Variants in SMAD2 observed in about 807,000 individuals in gnomAD.
The protein encoded by SMAD2 is SMAD family member 2.
Under a neutral mutation model 64.4 loss-of-function variants are expected in SMAD2, and 8 were observed. The observed-to-expected ratio is 0.12, with a 90% CI of 0.07 to 0.22. The LOEUF is 0.22. SMAD2 is among the 10% of genes least tolerant of loss of function. The pLI is 1.00. For missense variants in SMAD2, 289 were observed against 561.2 expected (o/e 0.51, Z 4.90); for synonymous variants, 203 against 195.8 (o/e 1.04, Z -0.31).
At chr18:47,916,419 T>C (rs960219182) in intron 1 of SMAD2, among the ~76,000 whole-genome samples, 1 of 151,934 alleles carries the variant, frequency 6.6e-6, no homozygotes, top group Non-Finnish European at 1.5e-5. Flanking sequence ...TATTTTGTTT[T>C]GTTTTGTTTT....
chr18:47,870,999 A>C (rs751503426), intron 2 of SMAD2, among the ~76,000 whole-genome samples: 42 of 152,342 alleles, frequency 2.8e-4, no homozygotes, highest in Non-Finnish European at 5.0e-4. Flanking sequence ...ACATGCATCC[A>C]CAGTTAAGAT....
At position 47,851,288 on chromosome 18, in the gene SMAD2, A is replaced by C; in HGVS notation, c.770T>G (p.Val257Gly). ...GTGCAACTTACCCAAGCTATGATTA[A>C]CAGGGGAAAGAGTAGTAGGAGATAG... ...AELSPTTLSP[V>G]NHSLDLQPVT... Residue 257 changes from valine to glycine, a missense_variant, in exon 7 of 11, where the codon GTT becomes GGT. This residue lies in a region of SMAD2 where 119 missense variants were observed against 156.7 expected (regional missense o/e 0.76). Transcript: ENST00000262160. 2 of 1,608,728 alleles carry C rather than the reference A, an allele frequency of 1.2e-6. No individual in the cohort carries two copies. The highest frequency in any genetic ancestry group is 1.7e-6 in the Non-Finnish European group (2 of 1,175,442).
chr18:47,864,908 G>A lies in SMAD2; in HGVS notation c.730+151C>T, dbSNP rs893165407. 4.7e-6 allele frequency: 3 copies of A among 642,930 alleles called. No homozygotes were observed. The African/African-American group carries it at 5.5e-5, about 12-fold the overall frequency. The allele number at this position is 642,930 out of a possible 1,614,324, so 39.8% of individuals were successfully genotyped here. On this transcript the variant is annotated intron_variant, in intron 6 of 10. Coordinates refer to ENST00000262160, the MANE Select transcript of SMAD2 (RefSeq NM_005901.6). The stretch of plus-strand genomic sequence containing the variant: ...AGTGACAACATGGACCTCTTTGGTA[G>A]TTCAGATATGTTAAATCAAGATAGA...
chr18:47,865,138 A>C lies in SMAD2; in HGVS notation c.656-5T>G. 1.9e-6 allele frequency: 3 copies of C among 1,579,472 alleles called. No individual in the cohort carries two copies. Among genetic ancestry groups the C allele is most frequent in the Non-Finnish European group, 2.6e-6 (3 of 1,148,878 alleles). ...TATATCCAGGAGGTGGCGTTTCTAC[A>C]AAAGTTTAAAACAAATCAAGCACAG... is the stretch of plus-strand genomic sequence containing the variant. On this transcript the variant is annotated splice_polypyrimidine_tract_variant and splice_region_variant and intron_variant, in intron 5 of 10. Coordinates refer to ENST00000262160, the MANE Select transcript of SMAD2 (RefSeq NM_005901.6).
In SMAD2 at chr18:47,868,513, A is replaced by C. The variant is rs1405712190; in HGVS notation, c.521-56T>G. The C allele has an allele frequency of 2.7e-6, 4 of 1,486,494 alleles. No homozygotes were observed. In the African/African-American group the frequency reaches 5.5e-5, roughly 21 times the overall value. The allele number at this position is 1,486,494 out of a possible 1,614,324, so 92.1% of individuals were successfully genotyped here. Reference sequence around the variant, plus strand: ...GCAAAGAGCAAAGGGGAGTGGGGGAACCTTTTTTAAAGTTTTCAACAAGAA... The same window carrying C: ...GCAAAGAGCAAAGGGGAGTGGGGGACCCTTTTTTAAAGTTTTCAACAAGAA... On this transcript the variant is annotated intron_variant, in intron 4 of 10. Coordinates refer to ENST00000262160, the MANE Select transcript of SMAD2 (RefSeq NM_005901.6).
rs1914767468 is a variant in SMAD2, at chr18:47,848,657, G to A, written c.815C>T (p.Ala272Val). 6.2e-7 allele frequency: 1 copy of A among 1,613,416 alleles called. No homozygotes were observed. ...DLQPVTYSEP[A>V]FWCSIAYYEL... ...ATAATATGCTATCGAACACCAAAAT[G>A]CAGGTTCTGAGTAAGTAACTGGCTG... The change falls in exon 8 of 11, where the codon GCA (alanine) becomes GTA (valine). Residue 272 changes from alanine to valine, a missense_variant. Ala to Val is a moderately conservative substitution (Grantham distance 64). Transcript: ENST00000262160.
intron 1 of SMAD2, chr18:47,912,583 G>C (rs1023988258): frequency 6.6e-6 from 1 of 152,292 alleles, no homozygotes; most frequent in Non-Finnish European, 1.5e-5. Context: ...GAGCTAGGCA[G>C]AGACAACTGG....
intron 1 of SMAD2, among the ~76,000 whole-genome samples, chr18:47,906,753 GTAGTCTTT>G (rs2033920234): frequency 6.6e-6 from 1 of 152,124 alleles, no homozygotes; most frequent in Non-Finnish European, 1.5e-5. Context: ...GTGGTTACCT[GTAGTCTTT>G]AGCTTGTGCT....
intron 1 of SMAD2, among the ~76,000 whole-genome samples, chr18:47,912,795 T>C (rs1312683124): frequency 1.3e-5 from 2 of 149,370 alleles, no homozygotes; most frequent in Non-Finnish European, 2.9e-5. Flanking sequence ...TTTGGTTCAA[T>C]TATTCCATTC....
intron 2 of SMAD2, among the ~76,000 whole-genome samples, chr18:47,872,139 A>T (rs1252652057): frequency 6.6e-6 from 1 of 152,204 alleles, no homozygotes; most frequent in African/African-American, 2.4e-5. Context: ...TCTAGACCCC[A>T]ACCCTAATTC....
At chr18:47,881,493 T>C (rs576078621) in intron 2 of SMAD2, among the ~76,000 whole-genome samples, 2 of 152,226 alleles carry the variant, frequency 1.3e-5, no homozygotes, top group African/African-American at 4.8e-5. Flanking sequence ...GCTATATTTA[T>C]AGATTCTTTA....
At chr18:47,872,852 T>C (rs572678003) in intron 2 of SMAD2, among the ~76,000 whole-genome samples, 2 of 152,208 alleles carry the variant, frequency 1.3e-5, no homozygotes, top group East Asian at 1.9e-4. Flanking sequence ...GCCAAAACGG[T>C]TGGGAACAGC....
Position 47,816,138 on chromosome 18 carries a change from A to C in SMAD2, c.*25689T>G, listed in dbSNP as rs1310279676. The C allele has an allele frequency of 1.3e-5, 2 of 152,176 alleles. No individual in the cohort carries two copies. Among genetic ancestry groups the C allele is most frequent in the Non-Finnish European group, 2.9e-5 (2 of 68,034 alleles). The allele number at this position is 152,176 out of a possible 1,614,324, so 9.4% of individuals were successfully genotyped here. A position where few individuals can be genotyped will look rare whatever the true frequency, so the allele number is the denominator to read the frequency against. On this transcript the variant is annotated 3_prime_UTR_variant, in exon 11 of 11. Coordinates refer to ENST00000262160, the MANE Select transcript of SMAD2 (RefSeq NM_005901.6). ...AAGATCAGCTTCCCTTGAAAATGTT[A>C]GCTCCCATGCCACATTTAGTCAAGA...
rs1912830002 is a variant in SMAD2, at chr18:47,828,092, A to AC, written c.*13734dup. On this transcript the variant is annotated 3_prime_UTR_variant, in exon 11 of 11. Transcript: ENST00000262160. ...TGAGGAGTGTCTCTGCCCGACCGCC[A>AC]CCCCGTCTGGGAGGTGAGGAGCGTC... 6.9e-6 allele frequency: 1 copy of AC among 144,330 alleles called. No homozygotes were observed. Among genetic ancestry groups the AC allele is most frequent in the Admixed American group, 7.3e-5 (1 of 13,704 alleles). 8.9% of individuals were successfully genotyped at this position (144,330 alleles called of 1,614,324 possible).
Position 47,923,038 on chromosome 18 carries a change from G to A in SMAD2, c.-54+7323C>T, listed in dbSNP as rs539461410. ...AAGTCCACATTAAATAGGGACTGCTGTGTAAAGAGACTACTTATTTTTTTT... is the reference window on the plus strand; with the variant it reads ...AAGTCCACATTAAATAGGGACTGCTATGTAAAGAGACTACTTATTTTTTTT... On this transcript the variant is annotated intron_variant, in intron 1 of 10. Coordinates refer to ENST00000262160, the MANE Select transcript of SMAD2 (RefSeq NM_005901.6). Among the ~76,000 whole-genome samples the A allele has an allele frequency of 4.2e-5, 6 of 143,686 alleles. 1 individual carries two copies. The highest frequency in any genetic ancestry group is 9.0e-5 in the Non-Finnish European group (6 of 66,862). The allele number at this position is 143,686 out of a possible 152,430, so 94.3% of individuals were successfully genotyped here.
chr18:47,881,832 A>T (rs2032608448), intron 2 of SMAD2, among the ~76,000 whole-genome samples: 1 of 152,114 alleles, frequency 6.6e-6, no homozygotes, highest in Admixed American at 6.6e-5. Flanking sequence ...AGGTGATCTT[A>T]TAGTTTCCCT....
intron 8 of SMAD2, among the ~76,000 whole-genome samples, chr18:47,847,177 CA>C (rs1460116207): frequency 6.6e-6 from 1 of 151,968 alleles, no homozygotes; most frequent in Non-Finnish European, 1.5e-5. Flanking sequence ...GTCACAAAAA[CA>C]AAAAACTATT....
rs1441620220 is a variant in SMAD2 at position 47,816,067 on chromosome 18, G to T, written c.*25760C>A. 2 of 152,196 alleles carry T rather than the reference G, an allele frequency of 1.3e-5. No homozygotes were observed. The highest frequency in any genetic ancestry group is 4.8e-5 in the African/African-American group (2 of 41,450). 9.4% of individuals were successfully genotyped at this position (152,196 alleles called of 1,614,324 possible). A position where few individuals can be genotyped will look rare whatever the true frequency, so the allele number is the denominator to read the frequency against. On this transcript the variant is annotated 3_prime_UTR_variant, in exon 11 of 11. Coordinates refer to ENST00000262160, the MANE Select transcript of SMAD2 (RefSeq NM_005901.6). Reference sequence around the variant, plus strand: ...GAAAGTTCTGGAGAGTCACCTAAGAGACGGTAAACACATACCTCATGTCTT... The same window carrying T: ...GAAAGTTCTGGAGAGTCACCTAAGATACGGTAAACACATACCTCATGTCTT...
intron 1 of SMAD2, among the ~76,000 whole-genome samples, chr18:47,917,913 A>G (rs1360342459): frequency 6.6e-6 from 1 of 152,214 alleles, no homozygotes; most frequent in East Asian, 1.9e-4. Flanking sequence ...AGGAGAAAAC[A>G]GAAGCAAAAT....
Sources: gnomAD v4.1 joint callset for allele counts (sites outside exome capture counted in the v4.1 genomes callset) on GRCh38, gnomAD v4.1.1 for gene constraint, gnomAD v4.1.1 regional missense constraint, MANE v1.5 for transcripts, NCBI Gene and HGNC (gene_info 2026-07-23, HGNC 2026-07-21) for gene names.